Variants in WDR20 observed in about 807,000 individuals in gnomAD.
The protein encoded by WDR20 is WD repeat-containing protein 20.
WDR20 carries 3 observed loss-of-function variants against 38.7 expected under a neutral mutation model. The observed-to-expected ratio is 0.08, with a 90% CI of 0.04 to 0.20. The LOEUF is 0.20. WDR20 is among the 10% of genes least tolerant of loss of function. WDR20 has a pLI of 1.00. For synonymous variants in WDR20, 298 were observed against 285.6 expected, an observed-to-expected ratio of 1.04 and a Z score of -0.44; for missense variants, 559 against 727.7, an observed-to-expected ratio of 0.77 and a Z score of 2.67.
chr14:102,142,560 C>A (rs1055540455), intron 1 of WDR20, among the ~76,000 whole-genome samples: 9 of 151,992 alleles, frequency 5.9e-5, no homozygotes, highest in African/African-American at 2.2e-4. Flanking sequence ...CTCAAATGAT[C>A]TTCCCACTTC....
chr14:102,140,202 C>T (rs780050114), intron 1 of WDR20, 30 bp downstream of exon 1: 1 of 1,606,400 alleles, frequency 6.2e-7, no homozygotes, highest in South Asian at 1.1e-5. Context: ...CGGAGCCAGC[C>T]AGCGGCGTAG....
intron 1 of WDR20, among the ~76,000 whole-genome samples, chr14:102,186,752 C>A (rs2064866302): frequency 6.6e-6 from 1 of 151,974 alleles, no homozygotes; most frequent in Non-Finnish European, 1.5e-5. Context: ...GAGATGGAGA[C>A]CACCCTGGCT....
At chr14:102,161,142 A>ATATATATATTTT (rs1342924049) in intron 1 of WDR20, among the ~76,000 whole-genome samples, 4 of 16,052 alleles carry the variant, frequency 2.5e-4, no homozygotes, top group Admixed American at 1.2e-3. Flanking sequence ...ATATATATAT[A>ATATATATATTTT]TTTTTTTTTT....
chr14:102,153,148 G>T (rs2056484042), intron 1 of WDR20, among the ~76,000 whole-genome samples: 2 of 152,004 alleles, frequency 1.3e-5, no homozygotes, highest in African/African-American at 4.8e-5. Flanking sequence ...GCACTTCCTT[G>T]TCTCCCTCTT....
intron 1 of WDR20, among the ~76,000 whole-genome samples, chr14:102,148,971 C>A (rs553713232): frequency 7.0e-4 from 106 of 152,286 alleles, no homozygotes; most frequent in Non-Finnish European, 1.4e-3. Context: ...ACCGTCCTGG[C>A]TAACACAGCG....
At chr14:102,201,523 G>A (rs2060375391) in intron 2 of WDR20, among the ~76,000 whole-genome samples, 1 of 152,128 alleles carries the variant, frequency 6.6e-6, no homozygotes, top group East Asian at 1.9e-4. Context: ...TGGCATTTGG[G>A]ATGGTAGTGT....
chr14:102,205,456 G>T (rs748069097), intron 2 of WDR20, among the ~76,000 whole-genome samples: 7 of 152,184 alleles, frequency 4.6e-5, no homozygotes, highest in Non-Finnish European at 7.3e-5. Flanking sequence ...GTAGAAGAAT[G>T]TAAGGCTTTC....
At position 102,189,047 on chromosome 14, in the gene WDR20, A is replaced by T. The variant is rs559073428; in HGVS notation, c.250-5891A>T. Among the ~76,000 whole-genome samples, 295 of 151,096 alleles carry T rather than the reference A, an allele frequency of 2.0e-3. 3 individuals carry two copies. The East Asian group carries it at 0.025, about 13-fold the overall frequency. On this transcript the variant is annotated intron_variant, in intron 1 of 2. Transcript: ENST00000342702. ...AACATGGTTGAAACCCCGTCTCTACAAAAAATACAAAAATTAGCTGGGCGT... is the reference window on the plus strand; with the variant it reads ...AACATGGTTGAAACCCCGTCTCTACTAAAAATACAAAAATTAGCTGGGCGT...
intron 1 of WDR20, among the ~76,000 whole-genome samples, chr14:102,152,970 A>G (rs998374211): frequency 1.3e-5 from 2 of 152,102 alleles, no homozygotes; most frequent in Non-Finnish European, 2.9e-5. Flanking sequence ...TCCCTGCCCA[A>G]ATCTCATGTT....
intron 1 of WDR20, among the ~76,000 whole-genome samples, chr14:102,159,443 C>T (rs1472545869): frequency 1.3e-5 from 2 of 152,212 alleles, no homozygotes; most frequent in East Asian, 1.9e-4. Context: ...TGAATTAAAT[C>T]TGCATTCTAA....
intron 1 of WDR20, among the ~76,000 whole-genome samples, chr14:102,163,473 C>G (rs1490846246): frequency 6.6e-6 from 1 of 151,748 alleles, no homozygotes; most frequent in Non-Finnish European, 1.5e-5. Context: ...ACCAAAAATA[C>G]AAAAATTAGC....
Position 102,194,929 on chromosome 14 carries a change from C to G in WDR20, c.250-9C>G, listed in dbSNP as rs749637349. The G allele has an allele frequency of 9.3e-6, 15 of 1,611,552 alleles. No individual in the cohort carries two copies. The highest frequency in any genetic ancestry group is 1.7e-5 in the Admixed American group (1 of 59,530). On this transcript the variant is annotated splice_polypyrimidine_tract_variant and intron_variant, in intron 1 of 2. Coordinates refer to ENST00000342702, the MANE Select transcript of WDR20 (RefSeq NM_144574.4). ...GTTTACTGTATGTATTTTTCTCTTT[C>G]TCCTCCAGGCTGCTGACTTGAGTAA...
chr14:102,189,357 TAA>T (rs1342485832), intron 1 of WDR20, among the ~76,000 whole-genome samples: 1 of 152,236 alleles, frequency 6.6e-6, no homozygotes, highest in Non-Finnish European at 1.5e-5. Flanking sequence ...ATTTTTCTAT[TAA>T]GTTGAGAACT....
rs1490703496 is a variant in WDR20 at position 102,209,984 on chromosome 14, A to T, written c.*104A>T. 5 of 1,481,944 alleles carry T rather than the reference A, an allele frequency of 3.4e-6. No individual in the cohort carries two copies. Among genetic ancestry groups the T allele is most frequent in the Middle Eastern group, 3.6e-4 (2 of 5,490 alleles). 91.8% of individuals were successfully genotyped at this position (1,481,944 alleles called of 1,614,324 possible). A position where few individuals can be genotyped will look rare whatever the true frequency, so the allele number is the denominator to read the frequency against. On this transcript the variant is annotated 3_prime_UTR_variant, in exon 3 of 3. Coordinates refer to ENST00000342702, the MANE Select transcript of WDR20 (RefSeq NM_144574.4). The surrounding 1 kb of genome is among the most constrained non-coding windows in gnomAD (Gnocchi z 6.0). The stretch of plus-strand genomic sequence containing the variant: ...GAATGACACTTCTTATTCTTAATGT[A>T]AATCTCAATGCATCAGAGCCATAAT...
At chr14:102,157,616 C>G (rs2057724462) in intron 1 of WDR20, among the ~76,000 whole-genome samples, 1 of 152,148 alleles carries the variant, frequency 6.6e-6, no homozygotes, top group African/African-American at 2.4e-5. Context: ...TAATATTTGT[C>G]TCAATTGCAG....
chr14:102,176,622 T>A (rs2062166823), intron 1 of WDR20, among the ~76,000 whole-genome samples: 1 of 152,188 alleles, frequency 6.6e-6, no homozygotes, highest in Non-Finnish European at 1.5e-5. Flanking sequence ...CCCTTTTTTT[T>A]TTTGGTTATA....
chr14:102,151,173 A>ATTTTTTTTTTTT (rs534503694), intron 1 of WDR20, among the ~76,000 whole-genome samples: 20 of 111,544 alleles, frequency 1.8e-4, no homozygotes, highest in African/African-American at 4.7e-4. Flanking sequence ...CCATTGGGGA[A>ATTTTTTTTTTTT]TTTTTTTTTT....
chr14:102,218,092 A>G (rs2063443248), downstream of WDR20, among the ~76,000 whole-genome samples: 1 of 152,180 alleles, frequency 6.6e-6, no homozygotes, highest in Non-Finnish European at 1.5e-5. Flanking sequence ...GTCTTGTGGT[A>G]CTTTGTCCAC....
intron 1 of WDR20, among the ~76,000 whole-genome samples, chr14:102,190,276 T>G (rs1421830715): frequency 6.6e-6 from 1 of 152,084 alleles, no homozygotes; most frequent in Non-Finnish European, 1.5e-5. Flanking sequence ...AAGTGTTGAT[T>G]AGGCCAGGCG....
Sources: gnomAD v4.1 joint callset for allele counts (sites outside exome capture counted in the v4.1 genomes callset) on GRCh38, gnomAD v4.1.1 for gene constraint, Gnocchi (gnomAD v3.1) non-coding constraint, MANE v1.5 for transcripts, NCBI Gene and HGNC (gene_info 2026-07-23, HGNC 2026-07-21) for gene names.